The following CACNA1G variants were observed in gnomAD, a reference collection of about 807,000 sequenced individuals.
CACNA1G encodes the protein calcium voltage-gated channel subunit alpha1 G.
A neutral mutation model predicts 219.4 loss-of-function variants in CACNA1G; 67 were observed. The observed-to-expected ratio is 0.31, with a 90% CI of 0.25 to 0.37. The LOEUF (loss-of-function observed/expected upper bound fraction) is 0.37. Ranked by LOEUF, CACNA1G falls within the 10% of genes least tolerant of loss-of-function variation. CACNA1G has a pLI of 1.00. For missense variants in CACNA1G, 2,380 were observed against 3,231.4 expected (o/e 0.74, Z 6.39); for synonymous variants, 1,296 against 1,345.3 (o/e 0.96, Z 0.80).
chr17:50,610,861 C>T (rs1263371313), intron 26 of CACNA1G, among the ~76,000 whole-genome samples: 1 of 152,222 alleles, frequency 6.6e-6, no homozygotes, highest in African/African-American at 2.4e-5. Context: ...AGGTTACACA[C>T]TAAATGATGG....
chr17:50,624,220 C>G, intron 36 of CACNA1G, 140 bp from the exon 37 acceptor site: 2 of 1,266,270 alleles, frequency 1.6e-6, no homozygotes, highest in Non-Finnish European at 2.2e-6. Flanking sequence ...GGGGGAATGG[C>G]TTTGAGTCCA....
At position 50,606,040 on chromosome 17, in the gene CACNA1G, G is replaced by A. The variant is rs1433721160; in HGVS notation, c.4422+17G>A. On this transcript the variant is annotated intron_variant, in intron 23 of 37. Transcript: ENST00000359106. Reference sequence around the variant, plus strand: ...CTTGGCCAGGTGAGCCCCAGGCTCAGAGGTGGGGCTGTGGTGAAGGAGGCT... The same window carrying A: ...CTTGGCCAGGTGAGCCCCAGGCTCAAAGGTGGGGCTGTGGTGAAGGAGGCT... 1.2e-6 allele frequency: 2 copies of A among 1,613,726 alleles called. No individual in the cohort carries two copies. The highest frequency in any genetic ancestry group is 1.7e-5 in the Admixed American group (1 of 60,008).
At chr17:50,608,157 C>T (rs2048345254) in intron 25 of CACNA1G, 138 bp downstream of exon 25, 2 of 717,972 alleles carry the variant, frequency 2.8e-6, no homozygotes. Flanking sequence ...CTCCTCACCT[C>T]CTTCTCCCCA....
At chr17:50,580,879 C>T (rs2041813367) in intron 9 of CACNA1G, among the ~76,000 whole-genome samples, 1 of 152,180 alleles carries the variant, frequency 6.6e-6, no homozygotes, top group South Asian at 2.1e-4. Flanking sequence ...TGCTTGCAGG[C>T]ACTGCGGCGT....
rs980435749 is a variant in CACNA1G, at chr17:50,617,847, C to A, written c.5156-12C>A. 4.3e-6 allele frequency: 7 copies of A among 1,612,988 alleles called. No individual in the cohort carries two copies. The highest frequency in any genetic ancestry group is 5.9e-6 in the Non-Finnish European group (7 of 1,179,806). On this transcript the variant is annotated splice_polypyrimidine_tract_variant and intron_variant, in intron 29 of 37. Transcript: ENST00000359106. The surrounding 1 kb of genome is among the most constrained non-coding windows in gnomAD (Gnocchi z 5.8). Reference sequence around the variant, plus strand: ...CAAAGAGGCCAGCTCATGACGTTGTCCTGTTCTGCAGTGCTGAAGCTGCTG... The same window carrying A: ...CAAAGAGGCCAGCTCATGACGTTGTACTGTTCTGCAGTGCTGAAGCTGCTG...
chr17:50,578,011 T>C lies in CACNA1G; in HGVS notation c.1925-177T>C, dbSNP rs1372384020. ...GAAGTGCTATTGACATTAGGGCATCTTGTGGGTCAAGACTGCCCACCTTGC... is the reference window on the plus strand; with the variant it reads ...GAAGTGCTATTGACATTAGGGCATCCTGTGGGTCAAGACTGCCCACCTTGC... On this transcript the variant is annotated intron_variant, in intron 8 of 37. Transcript: ENST00000359106. The surrounding 1 kb of genome is among the most constrained non-coding windows in gnomAD (Gnocchi z 4.5). 6.6e-6 allele frequency among the ~76,000 whole-genome samples: 1 copy of C among 152,184 alleles called. No homozygotes were observed. Among genetic ancestry groups the C allele is most frequent in the Non-Finnish European group, 1.5e-5 (1 of 68,024 alleles).
chr17:50,616,139 A>C, intron 27 of CACNA1G, 136 bp from the exon 28 acceptor site: 1 of 586,306 alleles, frequency 1.7e-6, no homozygotes, highest in South Asian at 2.3e-5. Flanking sequence ...GCCAGCCATC[A>C]TGATGGGAAC....
intron 9 of CACNA1G, among the ~76,000 whole-genome samples, chr17:50,584,155 G>A (rs2042546815): frequency 6.6e-6 from 1 of 152,158 alleles, no homozygotes. Context: ...ATGGCTGTGG[G>A]CCATCCCAGG....
At chr17:50,602,461 G>T (rs1182246446) in intron 19 of CACNA1G, among the ~76,000 whole-genome samples, 1 of 152,242 alleles carries the variant, frequency 6.6e-6, no homozygotes, top group African/African-American at 2.4e-5. Context: ...AAGGGTCAGA[G>T]ATCAAGTGAG....
chr17:50,585,265 C>G (rs2042776247), intron 9 of CACNA1G, among the ~76,000 whole-genome samples: 1 of 152,198 alleles, frequency 6.6e-6, no homozygotes, highest in South Asian at 2.1e-4. Context: ...CCCACCCCAG[C>G]CTCCCCAGTA....
At chr17:50,616,173 T>G (rs1159132876) in intron 27 of CACNA1G, 102 bp from the exon 28 acceptor site, 5 of 671,386 alleles carry the variant, frequency 7.4e-6, no homozygotes, top group Non-Finnish European at 1.3e-5. Context: ...CTCCTTGGAG[T>G]TCCCCTGCCT....
chr17:50,614,059 G>C (rs76710815), intron 26 of CACNA1G, among the ~76,000 whole-genome samples: 2,402 of 152,372 alleles, frequency 0.016, 33 homozygotes, highest in Non-Finnish European at 0.023. Flanking sequence ...ATGCTGGAGA[G>C]TGGCCAGGTG....
chr17:50,576,732 A>T (rs771478733), intron 8 of CACNA1G, among the ~76,000 whole-genome samples: 25 of 152,212 alleles, frequency 1.6e-4, no homozygotes, highest in Non-Finnish European at 3.2e-4. Flanking sequence ...GCTTGAGGGG[A>T]TTGCATGACT....
At chr17:50,590,331 C>A in intron 9 of CACNA1G, 140 bp from the exon 10 acceptor site, 1 of 951,338 alleles carries the variant, frequency 1.1e-6, no homozygotes, top group Non-Finnish European at 1.6e-6. Context: ...GGGTCCTCCC[C>A]ATGGGCCTGA....
rs777265203 is a variant in CACNA1G, at chr17:50,572,903, A to G, written c.1047+49A>G. On this transcript the variant is annotated intron_variant, in intron 6 of 37. Coordinates refer to ENST00000359106, the MANE Select transcript of CACNA1G (RefSeq NM_018896.5). ...GCTTCCCCAGAACACCAGCCCCAGG[A>G]CACAGCCCAGGATCGGAGTGGTCGC... 11 of 1,593,610 alleles carry G rather than the reference A, an allele frequency of 6.9e-6. No individual in the cohort carries two copies. In the South Asian group the frequency reaches 1.0e-4, roughly 15 times the overall value.
chr17:50,626,661 C>G lies in CACNA1G; in HGVS notation c.7044C>G (p.Pro2348=), dbSNP rs780024142. ...SDSKDPLASG[P]PDSMAASPSP... Reference sequence around the variant, plus strand: ...CCAAGGATCCCTTGGCCTCTGGCCCCCCTGACAGCATGGCTGCCTCGCCCT... The same window carrying G: ...CCAAGGATCCCTTGGCCTCTGGCCCGCCTGACAGCATGGCTGCCTCGCCCT... The change falls in exon 38 of 38, where the codon CCC becomes CCG. Residue 2348 remains proline (P), a synonymous_variant. Transcript: ENST00000359106. The surrounding 1 kb of genome is among the most constrained non-coding windows in gnomAD (Gnocchi z 4.3). The G allele has an allele frequency of 6.2e-7, 1 of 1,613,352 alleles. No individual in the cohort carries two copies. The highest frequency in any genetic ancestry group is 1.1e-5 in the South Asian group (1 of 91,076).
chr17:50,572,708 G>A lies in CACNA1G; in HGVS notation c.901G>A (p.Asp301Asn), dbSNP rs771179433. The A allele has an allele frequency of 5.0e-6, 8 of 1,613,764 alleles. No individual in the cohort carries two copies. The highest frequency in any genetic ancestry group is 1.1e-5 in the South Asian group (1 of 91,050). The part of the protein sequence containing the change: ...DGGGGPPCGL[D>N]YEAYNSSSNT... ...GGGCGGTGGCCCACCTTGCGGTCTGGACTATGAGGCCTACAACAGCTCCAG... is the reference window on the plus strand; with the variant it reads ...GGGCGGTGGCCCACCTTGCGGTCTGAACTATGAGGCCTACAACAGCTCCAG... Residue 301 changes from aspartate (D) to asparagine (N), a missense_variant, in exon 6 of 38, where the codon GAC becomes AAC. Transcript: ENST00000359106.
chr17:50,580,764 T>C lies in CACNA1G; in HGVS notation c.2301+2200T>C, dbSNP rs992695168. 2.0e-5 allele frequency among the ~76,000 whole-genome samples: 3 copies of C among 151,822 alleles called. No individual in the cohort carries two copies. The South Asian group carries it at 6.3e-4, about 32-fold the overall frequency. The stretch of plus-strand genomic sequence containing the variant: ...CGCATACCTGGTGCTGAGGGCCCCA[T>C]GGGGGTGAGCGGGAGTCCCCAGCAG... On this transcript the variant is annotated intron_variant, in intron 9 of 37. Coordinates refer to ENST00000359106, the MANE Select transcript of CACNA1G (RefSeq NM_018896.5).
chr17:50,572,497 C>T, intron 5 of CACNA1G, 57 bp from the exon 6 acceptor site: 3 of 1,420,450 alleles, frequency 2.1e-6, no homozygotes, highest in South Asian at 1.5e-5. Flanking sequence ...TTCCTGGGCC[C>T]TCTCCCTGGA....
Sources: allele counts gnomAD v4.1 joint callset (sites outside exome capture counted in the v4.1 genomes callset), GRCh38; gene constraint gnomAD v4.1.1; non-coding constraint Gnocchi (gnomAD v3.1); transcripts MANE v1.5; gene names NCBI Gene and HGNC (gene_info 2026-07-23, HGNC 2026-07-21).